PTN: variants seen among roughly 807,000 people sequenced by gnomAD.
The protein encoded by PTN is pleiotrophin, also known as heparin affin regulatory protein.
In PTN, 18 loss-of-function variants were observed where a neutral mutation model predicts 24.1. That is an observed-to-expected ratio of 0.75 (90% CI 0.52 to 1.11). PTN has a LOEUF of 1.11. PTN is among the 50% of genes least tolerant of loss of function. The pLI is 0.00. For missense variants in PTN, 163 were observed against 198.8 expected (o/e 0.82, Z 1.08); for synonymous variants, 78 against 68.6 (o/e 1.14, Z -0.67).
intron 4 of PTN, among the ~76,000 whole-genome samples, chr7:137,237,433 G>A (rs777060848): frequency 6.6e-6 from 1 of 152,060 alleles, no homozygotes; most frequent in African/African-American, 2.4e-5. Context: ...ATGCATCCGC[G>A]AATTCGATTT....
At chr7:137,333,710 C>T (rs322329) in intron 1 of PTN, among the ~76,000 whole-genome samples, 1 of 151,880 alleles carries the variant, frequency 6.6e-6, no homozygotes, top group Non-Finnish European at 1.5e-5. Context: ...TCATATGGAA[C>T]CAAAAAAGAG....
chr7:137,333,997 A>C (rs1810403935), intron 1 of PTN, among the ~76,000 whole-genome samples: 1 of 152,192 alleles, frequency 6.6e-6, no homozygotes, highest in Admixed American at 6.5e-5. Flanking sequence ...ATATGTAGAA[A>C]GCTGAAACTG....
chr7:137,240,066 G>T (rs530940534), intron 4 of PTN, among the ~76,000 whole-genome samples: 1 of 152,122 alleles, frequency 6.6e-6, no homozygotes, highest in Non-Finnish European at 1.5e-5. Context: ...AAGTTACCTT[G>T]TCCGAGAGGC....
chr7:137,324,429 A>AT (rs1399902173), intron 1 of PTN, among the ~76,000 whole-genome samples: 6 of 61,612 alleles, frequency 9.7e-5, no homozygotes, highest in Admixed American at 3.9e-4. Flanking sequence ...AAAAAAAAAA[A>AT]AAAAATATAT....
chr7:137,290,263 C>T (rs908108599), intron 1 of PTN, among the ~76,000 whole-genome samples: 4 of 152,100 alleles, frequency 2.6e-5, no homozygotes, highest in Non-Finnish European at 5.9e-5. Flanking sequence ...TGTGGGAATT[C>T]AAGATGAGAT....
intron 1 of PTN, among the ~76,000 whole-genome samples, chr7:137,299,618 C>T (rs1334415941): frequency 6.6e-6 from 1 of 151,888 alleles, no homozygotes; most frequent in Non-Finnish European, 1.5e-5. Context: ...GCAGAAAGTG[C>T]TAAAAACCAT....
intron 4 of PTN, among the ~76,000 whole-genome samples, chr7:137,235,045 A>G (rs1340945710): frequency 6.6e-6 from 1 of 152,108 alleles, no homozygotes; most frequent in Non-Finnish European, 1.5e-5. Context: ...CAAGAGAGAC[A>G]GCTGAAAAGG....
chr7:137,240,782 G>A (rs1808615252), intron 4 of PTN, among the ~76,000 whole-genome samples: 1 of 152,152 alleles, frequency 6.6e-6, no homozygotes, highest in Admixed American at 6.5e-5. Context: ...ACTTTCTTAG[G>A]TAAGAAACTT....
chr7:137,265,042 G>C (rs1363359369), intron 1 of PTN, among the ~76,000 whole-genome samples: 1 of 151,666 alleles, frequency 6.6e-6, no homozygotes, highest in Non-Finnish European at 1.5e-5. Flanking sequence ...CCAGGGCTGG[G>C]GCCGACCTGA....
chr7:137,266,445 A>G (rs1809146850), intron 1 of PTN, among the ~76,000 whole-genome samples: 1 of 152,120 alleles, frequency 6.6e-6, no homozygotes, highest in African/African-American at 2.4e-5. Flanking sequence ...TAAATTATAC[A>G]ACATTTTTTG....
At chr7:137,255,865 G>A (rs912012522) in intron 1 of PTN, among the ~76,000 whole-genome samples, 31 of 152,300 alleles carry the variant, frequency 2.0e-4, no homozygotes, top group African/African-American at 6.7e-4. Flanking sequence ...CCATATCATG[G>A]CTGCAGCAAC....
chr7:137,267,967 C>G (rs1180795578), intron 1 of PTN, among the ~76,000 whole-genome samples: 1 of 143,748 alleles, frequency 7.0e-6, no homozygotes, highest in Non-Finnish European at 1.5e-5. Context: ...TCAAGCAATT[C>G]AAACCAAGTC....
chr7:137,236,058 A>G, intron 4 of PTN: 1 of 641,536 alleles, frequency 1.6e-6, no homozygotes, highest in Admixed American at 2.4e-5. Flanking sequence ...TAGAAGGTTT[A>G]GTGAAGATGA....
At chr7:137,339,759 C>A (rs1440165518) in intron 1 of PTN, among the ~76,000 whole-genome samples, 1 of 151,848 alleles carries the variant, frequency 6.6e-6, no homozygotes, top group Admixed American at 6.6e-5. Flanking sequence ...GTTCTGGGAC[C>A]TGTTGGGTGG....
chr7:137,262,360 T>G (rs907156927), intron 1 of PTN, among the ~76,000 whole-genome samples: 1 of 152,202 alleles, frequency 6.6e-6, no homozygotes, highest in Non-Finnish European at 1.5e-5. Context: ...TAGTTTAGTC[T>G]TCATTTCTAA....
At chr7:137,330,230 G>A (rs1334400638) in intron 1 of PTN, among the ~76,000 whole-genome samples, 2 of 152,008 alleles carry the variant, frequency 1.3e-5, no homozygotes, top group Non-Finnish European at 2.9e-5. Context: ...AGGTTGCAGT[G>A]AGCTGAAATC....
intron 1 of PTN, among the ~76,000 whole-genome samples, chr7:137,265,498 A>C (rs1809125910): frequency 6.6e-6 from 1 of 152,202 alleles, no homozygotes; most frequent in Non-Finnish European, 1.5e-5. Flanking sequence ...AAGGAATGCT[A>C]AGTTTCCTCC....
intron 1 of PTN, among the ~76,000 whole-genome samples, chr7:137,256,594 C>T (rs1808930121): frequency 6.6e-6 from 1 of 152,098 alleles, no homozygotes; most frequent in African/African-American, 2.4e-5. Flanking sequence ...GGTTCAATGG[C>T]TTTGCTATGT....
intron 1 of PTN, among the ~76,000 whole-genome samples, chr7:137,327,642 A>T (rs1442595823): frequency 6.6e-6 from 1 of 152,186 alleles, no homozygotes; most frequent in East Asian, 1.9e-4. Context: ...AAAGAAAAAG[A>T]AAAGAAAATC....
Sources: allele counts gnomAD v4.1 joint callset (sites outside exome capture counted in the v4.1 genomes callset), GRCh38; gene constraint gnomAD v4.1.1; transcripts MANE v1.5; gene names NCBI Gene and HGNC (gene_info 2026-07-23, HGNC 2026-07-21).